NARS2: variants seen among roughly 807,000 people sequenced by gnomAD.
The protein encoded by NARS2 is asparaginyl-tRNA synthetase 2, mitochondrial, also known as asparaginyl-tRNA synthetase.
NARS2 carries 60 observed loss-of-function variants against 62.9 expected under a neutral mutation model. That is an observed-to-expected ratio of 0.95 (90% confidence interval 0.77 to 1.18). The LOEUF (loss-of-function observed/expected upper bound fraction) is 1.18. Ranked by LOEUF, NARS2 falls within the 50% of genes most tolerant of loss-of-function variation. The probability of loss-of-function intolerance (pLI) is 0.00; values close to 1 mark genes in which losing one functional copy is unlikely to be tolerated. For synonymous variants in NARS2, 196 were observed against 200.0 expected, an observed-to-expected ratio of 0.98 and a Z score of 0.17; for missense variants, 619 against 576.4, an observed-to-expected ratio of 1.07 and a Z score of -0.76.
chr11:78,445,412 G>C (rs201825338), intron 11 of NARS2, among the ~76,000 whole-genome samples: 1 of 152,208 alleles, frequency 6.6e-6, no homozygotes, highest in African/African-American at 2.4e-5. Context: ...CCTGAGGTCA[G>C]GAGTTCGAGA....
At chr11:78,499,692 A>G (rs1185336798) in intron 6 of NARS2, among the ~76,000 whole-genome samples, 1 of 152,188 alleles carries the variant, frequency 6.6e-6, no homozygotes, top group African/African-American at 2.4e-5. Context: ...TTACTACAAG[A>G]AAATAATTAT....
intron 12 of NARS2, among the ~76,000 whole-genome samples, chr11:78,443,236 G>A (rs1349209669): frequency 6.6e-6 from 1 of 150,548 alleles, no homozygotes; most frequent in African/African-American, 2.5e-5. Flanking sequence ...TGAGGCAGGA[G>A]AATGGCGTGA....
chr11:78,504,434 G>GTTTGT (rs770592449), intron 6 of NARS2, among the ~76,000 whole-genome samples: 1 of 61,402 alleles, frequency 1.6e-5, no homozygotes, highest in Non-Finnish European at 5.2e-5. Context: ...CAAAACACCA[G>GTTTGT]TTTTTTTTTT....
intron 5 of NARS2, among the ~76,000 whole-genome samples, chr11:78,552,233 A>T (rs991791058): frequency 3.3e-5 from 5 of 152,198 alleles, no homozygotes; most frequent in African/African-American, 1.2e-4. Flanking sequence ...CTTACAAGTG[A>T]GAACATGCGG....
chr11:78,484,349 A>G (rs148637893), intron 7 of NARS2, among the ~76,000 whole-genome samples: 2,640 of 152,322 alleles, frequency 0.017, 46 homozygotes, highest in South Asian at 0.062. Context: ...TCATGACTAA[A>G]ACATCAAAAG....
At chr11:78,525,255 G>C (rs1861254954) in intron 6 of NARS2, among the ~76,000 whole-genome samples, 1 of 152,064 alleles carries the variant, frequency 6.6e-6, no homozygotes, top group Non-Finnish European at 1.5e-5. Flanking sequence ...CAGACAACTA[G>C]GAGTGAATGC....
intron 1 of NARS2, 126 bp downstream of exon 1, chr11:78,574,222 C>G: frequency 8.4e-7 from 1 of 1,196,642 alleles, no homozygotes; most frequent in Non-Finnish European, 1.2e-6. Context: ...ACCCGCGACG[C>G]CTACACTTTC....
chr11:78,501,639 CTCTAATTAATATACTTT>C (rs1860286526), intron 6 of NARS2, among the ~76,000 whole-genome samples: 1 of 152,008 alleles, frequency 6.6e-6, no homozygotes, highest in African/African-American at 2.4e-5. Context: ...AGGTTTAGAC[CTCTAATTAATATACTTT>C]TTAAAAGGTT....
At chr11:78,555,095 G>A (rs1856297764) in intron 5 of NARS2, 1 of 152,156 alleles carries the variant, frequency 6.6e-6, no homozygotes, top group African/African-American at 2.4e-5. Context: ...ACTTCATGGT[G>A]GATTAAATTT....
At chr11:78,533,754 T>C (rs1861565310) in intron 5 of NARS2, among the ~76,000 whole-genome samples, 2 of 152,182 alleles carry the variant, frequency 1.3e-5, no homozygotes. Flanking sequence ...ACCACTACAG[T>C]ATCATACAGA....
intron 5 of NARS2, among the ~76,000 whole-genome samples, chr11:78,550,658 G>A (rs929403394): frequency 2.0e-5 from 3 of 152,100 alleles, no homozygotes; most frequent in South Asian, 2.1e-4. Context: ...TCAAAATGCT[G>A]CGGCCACTCC....
At chr11:78,488,452 A>G (rs1219767893) in intron 7 of NARS2, among the ~76,000 whole-genome samples, 2 of 152,168 alleles carry the variant, frequency 1.3e-5, no homozygotes, top group East Asian at 3.9e-4. Flanking sequence ...AGAAAATGGA[A>G]GAGGCAAGGG....
chr11:78,517,669 C>T (rs1006892646), intron 6 of NARS2, among the ~76,000 whole-genome samples: 1 of 152,182 alleles, frequency 6.6e-6, no homozygotes, highest in Non-Finnish European at 1.5e-5. Context: ...ATACCCAACC[C>T]CTGGTTAACT....
intron 6 of NARS2, among the ~76,000 whole-genome samples, chr11:78,499,281 T>C (rs1465132628): frequency 6.6e-6 from 1 of 152,116 alleles, no homozygotes; most frequent in African/African-American, 2.4e-5. Context: ...GTAATTCTTC[T>C]TCTATAAAAT....
chr11:78,569,794 G>A (rs975735025), intron 2 of NARS2, among the ~76,000 whole-genome samples: 1 of 152,162 alleles, frequency 6.6e-6, no homozygotes, highest in Non-Finnish European at 1.5e-5. Flanking sequence ...ATCTCAAAGA[G>A]ACAGTCATCC....
intron 5 of NARS2, among the ~76,000 whole-genome samples, chr11:78,541,463 G>A (rs951626987): frequency 2.0e-5 from 3 of 151,768 alleles, no homozygotes; most frequent in Non-Finnish European, 4.4e-5. Flanking sequence ...CCCAGCTCTC[G>A]CATTTTTTAT....
rs377052090 is a variant in NARS2, at chr11:78,566,253, T to C, written c.392A>G (p.Lys131Arg). 44 of 1,592,762 alleles carry C rather than the reference T, an allele frequency of 2.8e-5. No homozygotes were observed. Among genetic ancestry groups the C allele is most frequent in the Non-Finnish European group, 3.6e-5 (42 of 1,169,526 alleles). ...CAGATACTCCAGAGGATGCCTCTCT[T>C]TATATTTGATGGGGAAATCCTGCCA... The part of the protein sequence containing the change: ...CDAKDFPIKY[K>R]ERHPLEYLRQ... Residue 131 changes from lysine (K) to arginine (R), a missense_variant, in exon 4 of 14, where the codon AAA becomes AGA. By Grantham distance (26) the Lys-to-Arg change is conservative (BLOSUM62 2). Coordinates refer to ENST00000281038, the MANE Select transcript of NARS2 (RefSeq NM_024678.6).
chr11:78,510,734 T>C (rs1860690852), intron 6 of NARS2, among the ~76,000 whole-genome samples: 1 of 152,204 alleles, frequency 6.6e-6, no homozygotes, highest in African/African-American at 2.4e-5. Flanking sequence ...TGAATGTACT[T>C]AATGTCACTG....
intron 1 of NARS2, 41 bp downstream of exon 1, chr11:78,574,306 AG>A: frequency 1.9e-6 from 3 of 1,613,354 alleles, no homozygotes; most frequent in Non-Finnish European, 2.5e-6. Context: ...GCCATATAAA[AG>A]TCCCTACAAG....
Sources: gnomAD v4.1 joint callset for allele counts (sites outside exome capture counted in the v4.1 genomes callset) on GRCh38, gnomAD v4.1.1 for gene constraint, MANE v1.5 for transcripts, NCBI Gene and HGNC (gene_info 2026-07-23, HGNC 2026-07-21) for gene names.